Variants in KCNB2 observed in about 807,000 individuals in gnomAD.
KCNB2 encodes the protein delayed rectifier potassium channel protein.
Under a neutral mutation model 61.5 loss-of-function variants are expected in KCNB2, and 15 were observed. The observed-to-expected ratio is 0.24, with a 90% CI of 0.16 to 0.38. The LOEUF is 0.38. Among genes scored for constraint, KCNB2 ranks in the 10% least tolerant of loss-of-function variants. KCNB2 has a pLI of 1.00. For synonymous variants in KCNB2, 457 were observed against 446.0 expected, an observed-to-expected ratio of 1.02 and a Z score of -0.31; for missense variants, 828 against 1,125.2, an observed-to-expected ratio of 0.74 and a Z score of 3.78.
At chr8:72,659,814 G>A (rs1001294431) in intron 2 of KCNB2, among the ~76,000 whole-genome samples, 5 of 152,110 alleles carry the variant, frequency 3.3e-5, no homozygotes, top group Admixed American at 2.0e-4. Context: ...TTAAATTAAG[G>A]CTTGTACATT....
chr8:72,883,069 G>A (rs966732411), intron 2 of KCNB2, among the ~76,000 whole-genome samples: 13 of 152,082 alleles, frequency 8.5e-5, no homozygotes, highest in Non-Finnish European at 1.8e-4. Flanking sequence ...AGTCATTTAC[G>A]TTCTCAACGC....
intron 2 of KCNB2, among the ~76,000 whole-genome samples, chr8:72,590,295 A>C (rs1807074020): frequency 1.3e-5 from 2 of 152,204 alleles, no homozygotes; most frequent in African/African-American, 4.8e-5. Context: ...TACCAAATCC[A>C]AAAACAAAAT....
At chr8:72,656,987 A>G (rs571121391) in intron 2 of KCNB2, among the ~76,000 whole-genome samples, 37 of 152,170 alleles carry the variant, frequency 2.4e-4, no homozygotes, top group Non-Finnish European at 4.9e-4. Context: ...CTAACTTGTT[A>G]CTGGCCACAG....
At chr8:72,641,775 A>G (rs1194004030) in intron 2 of KCNB2, among the ~76,000 whole-genome samples, 1 of 152,148 alleles carries the variant, frequency 6.6e-6, no homozygotes, top group Admixed American at 6.6e-5. Flanking sequence ...ATACAGTCAT[A>G]TTACCTACCT....
intron 1 of KCNB2, among the ~76,000 whole-genome samples, chr8:72,539,511 T>C (rs1806161515): frequency 6.6e-6 from 1 of 152,202 alleles, no homozygotes; most frequent in Admixed American, 6.5e-5. Context: ...ACTCAGACTT[T>C]TGGAGAAAGA....
intron 2 of KCNB2, among the ~76,000 whole-genome samples, chr8:72,901,345 G>T (rs1475863886): frequency 6.6e-6 from 1 of 152,136 alleles, no homozygotes; most frequent in African/African-American, 2.4e-5. Context: ...ATAAAGAGAC[G>T]AAACCCTGCC....
chr8:72,549,260 A>C (rs1294170291), intron 1 of KCNB2, among the ~76,000 whole-genome samples: 1 of 152,124 alleles, frequency 6.6e-6, no homozygotes, highest in Non-Finnish European at 1.5e-5. Context: ...GATTTTTGTA[A>C]AGGCAGCACT....
intron 2 of KCNB2, among the ~76,000 whole-genome samples, chr8:72,754,128 A>C (rs1808246738): frequency 6.6e-6 from 1 of 152,208 alleles, no homozygotes; most frequent in African/African-American, 2.4e-5. Context: ...AAGTTTGAAT[A>C]GATGCATGGA....
intron 2 of KCNB2, among the ~76,000 whole-genome samples, chr8:72,811,343 G>T (rs1809303429): frequency 6.6e-6 from 1 of 151,694 alleles, no homozygotes; most frequent in Non-Finnish European, 1.5e-5. Context: ...ATTTTGAGAG[G>T]GAGAATTGAT....
chr8:72,869,369 C>T (rs1249495354), intron 2 of KCNB2, among the ~76,000 whole-genome samples: 7 of 152,144 alleles, frequency 4.6e-5, no homozygotes, highest in Admixed American at 4.6e-4. Flanking sequence ...GGGCCTCAGG[C>T]ACTTTTGCTT....
chr8:72,638,513 G>A (rs1806003913), intron 2 of KCNB2, among the ~76,000 whole-genome samples: 1 of 152,132 alleles, frequency 6.6e-6, no homozygotes, highest in African/African-American at 2.4e-5. Context: ...TTTTGTAGAA[G>A]CTGGGTTCTT....
rs147018556 is a variant in KCNB2 at position 72,754,029 on chromosome 8, G to T, written c.580-181906G>T. 1.9e-3 allele frequency among the ~76,000 whole-genome samples: 289 copies of T among 152,196 alleles called. 1 individual carries two copies. Among genetic ancestry groups the T allele is most frequent in the African/African-American group, 6.6e-3 (274 of 41,536 alleles). On this transcript the variant is annotated intron_variant, in intron 2 of 2. Coordinates refer to ENST00000523207, the MANE Select transcript of KCNB2 (RefSeq NM_004770.3). ...GGAGCCTGAGAACAGAGTCTCCCTG[G>T]GAAAGTACAAAGACAGATTGGCTCC...
At chr8:72,857,630 G>GC (rs1261654366) in intron 2 of KCNB2, among the ~76,000 whole-genome samples, 1 of 152,018 alleles carries the variant, frequency 6.6e-6, no homozygotes, top group African/African-American at 2.4e-5. Context: ...TGAAGTGGAA[G>GC]CAATGGGGCA....
intron 2 of KCNB2, among the ~76,000 whole-genome samples, chr8:72,844,203 G>A (rs1809944572): frequency 6.6e-6 from 1 of 152,116 alleles, no homozygotes; most frequent in Non-Finnish European, 1.5e-5. Context: ...ATGAAGCTTA[G>A]TTTGGCTGGA....
At chr8:72,566,212 G>A (rs1249389003) in intron 1 of KCNB2, among the ~76,000 whole-genome samples, 1 of 152,174 alleles carries the variant, frequency 6.6e-6, no homozygotes, top group African/African-American at 2.4e-5. Flanking sequence ...GACCTACTAG[G>A]ACTAACTAGG....
intron 2 of KCNB2, among the ~76,000 whole-genome samples, chr8:72,916,803 C>T (rs991886138): frequency 6.6e-6 from 1 of 152,186 alleles, no homozygotes; most frequent in Non-Finnish European, 1.5e-5. Context: ...CCATCCCCAG[C>T]CACACTTCTC....
At chr8:72,629,724 A>G (rs1172673466) in intron 2 of KCNB2, among the ~76,000 whole-genome samples, 1 of 152,172 alleles carries the variant, frequency 6.6e-6, no homozygotes, top group Non-Finnish European at 1.5e-5. Context: ...GGTAAGCAAG[A>G]ACAACACATG....
intron 2 of KCNB2, among the ~76,000 whole-genome samples, chr8:72,638,770 A>T (rs1255093115): frequency 6.6e-6 from 1 of 152,072 alleles, no homozygotes; most frequent in Non-Finnish European, 1.5e-5. Context: ...TATATTGGGG[A>T]GGTTAGGTGA....
chr8:72,937,855 T>C lies in KCNB2; in HGVS notation c.2500T>C (p.Phe834Leu), dbSNP rs1481863531. 6.2e-7 allele frequency: 1 copy of C among 1,614,062 alleles called. No individual in the cohort carries two copies. The highest frequency in any genetic ancestry group is 8.5e-7 in the Non-Finnish European group (1 of 1,180,008). ...EKQVDSSPNC[F>L]ADKPSDGRDP... Reference sequence around the variant, plus strand: ...GCAGGTGGACTCCAGCCCAAATTGCTTTGCAGATAAGCCTAGTGATGGGAG... The same window carrying C: ...GCAGGTGGACTCCAGCCCAAATTGCCTTGCAGATAAGCCTAGTGATGGGAG... The change falls in exon 3 of 3, where the codon TTT becomes CTT. Residue 834 changes from phenylalanine to leucine, a missense_variant. By Grantham distance (22) the Phe-to-Leu change is conservative. This residue lies in a region of KCNB2 where 559 missense variants were observed against 588.4 expected (regional missense o/e 0.95). Coordinates refer to ENST00000523207, the MANE Select transcript of KCNB2 (RefSeq NM_004770.3).
Sources: gnomAD v4.1 joint callset for allele counts (sites outside exome capture counted in the v4.1 genomes callset) on GRCh38, gnomAD v4.1.1 for gene constraint, gnomAD v4.1.1 regional missense constraint, MANE v1.5 for transcripts, NCBI Gene and HGNC (gene_info 2026-07-23, HGNC 2026-07-21) for gene names.